The following PPP6R2 variants were observed in gnomAD, a reference collection of about 807,000 sequenced individuals.
PPP6R2 encodes protein phosphatase 6 regulatory subunit 2, also known as serine/threonine-protein phosphatase 6 regulatory subunit 2.
In PPP6R2, 62 loss-of-function variants were observed where a neutral mutation model predicts 100.2. The observed-to-expected ratio is 0.62, with a 90% CI of 0.50 to 0.76. PPP6R2 has a LOEUF of 0.76. PPP6R2 is among the 30% of genes least tolerant of loss of function. PPP6R2 has a pLI of 0.00. For synonymous variants in PPP6R2, 525 were observed against 514.7 expected (o/e 1.02, Z -0.27); for missense variants, 1,142 against 1,276.3 (o/e 0.89, Z 1.60).
chr22:50,406,248 C>A (rs2058931529), intron 3 of PPP6R2, among the ~76,000 whole-genome samples: 1 of 133,142 alleles, frequency 7.5e-6, no homozygotes, highest in Non-Finnish European at 1.6e-5. Context: ...AGGTGAGAGA[C>A]CTGGCAGGCG....
intron 1 of PPP6R2, among the ~76,000 whole-genome samples, chr22:50,370,451 C>G (rs1215265889): frequency 6.6e-6 from 1 of 151,308 alleles, no homozygotes; most frequent in Non-Finnish European, 1.5e-5. Flanking sequence ...CCACGCCCAG[C>G]TAATTTTTTG....
intron 10 of PPP6R2, among the ~76,000 whole-genome samples, chr22:50,424,740 C>A (rs1008716578): frequency 2.1e-5 from 3 of 145,958 alleles, no homozygotes; most frequent in Non-Finnish European, 4.5e-5. Flanking sequence ...CTGGTTCAAG[C>A]GATTTTCCTG....
upstream of PPP6R2, among the ~76,000 whole-genome samples, chr22:50,341,564 A>G (rs2042389284): frequency 6.6e-6 from 1 of 152,206 alleles, no homozygotes; most frequent in African/African-American, 2.4e-5. Flanking sequence ...AAGCTGACCT[A>G]CAGCAAGTAC....
At chr22:50,359,578 A>G (rs936571292) in intron 1 of PPP6R2, among the ~76,000 whole-genome samples, 2 of 152,102 alleles carry the variant, frequency 1.3e-5, no homozygotes, top group South Asian at 4.1e-4. Context: ...TTTTCTGTGT[A>G]TGTTGAGATG....
In PPP6R2 at chr22:50,377,340, A is replaced by G. The variant is rs918537576; in HGVS notation, c.-17+5190A>G. ...CGTGGTGGTGCACACCTGTAGTCCC[A>G]GCTACTTGGGAGGCTGAGGTGGGAA... On this transcript the variant is annotated intron_variant, in intron 2 of 23. Transcript: ENST00000612753. Among the ~76,000 whole-genome samples the G allele has an allele frequency of 3.3e-5, 5 of 152,132 alleles. No homozygotes were observed. In the South Asian group the frequency reaches 1.0e-3, roughly 31 times the overall value.
chr22:50,401,579 T>G (rs1188328826), intron 3 of PPP6R2, among the ~76,000 whole-genome samples: 2 of 150,924 alleles, frequency 1.3e-5, no homozygotes, highest in Non-Finnish European at 3.0e-5. Flanking sequence ...TGATGCGATC[T>G]TGGCTCACTG....
chr22:50,382,836 A>ATTTTT lies in PPP6R2; in HGVS notation c.-17+10701_-17+10705dup, dbSNP rs532410577. Among the ~76,000 whole-genome samples, 7 of 141,278 alleles carry ATTTTT rather than the reference A, an allele frequency of 5.0e-5. 2 individuals carry two copies. The highest frequency in any genetic ancestry group is 7.1e-5 in the Admixed American group (1 of 14,048). 92.7% of individuals were successfully genotyped at this position (141,278 alleles called of 152,430 possible). A position where few individuals can be genotyped will look rare whatever the true frequency, so the allele number is the denominator to read the frequency against. ...GGAAAAGGGTGAAATTTACAAGCAA[A>ATTTTT]TTTTTTTTTTTTTTTTTTTGAGATA... is the stretch of plus-strand genomic sequence containing the variant. On this transcript the variant is annotated intron_variant, in intron 2 of 23. Transcript: ENST00000612753.
chr22:50,437,043 TC>T lies in PPP6R2; in HGVS notation c.1661del (p.Pro554LeufsTer18). ...GAGGACGAGGACATTGAGGGTGCTT[TC>T]CCTAACGAGCTGTCCCTTCAGCAGG... is the stretch of plus-strand genomic sequence containing the variant. ...SSEDEDIEGA[F>X]PNELSLQQAF... On this transcript the variant is annotated frameshift_variant, in exon 15 of 24. Coordinates refer to ENST00000612753, the MANE Select transcript of PPP6R2 (RefSeq NM_001242898.2). LOFTEE classifies it high-confidence loss of function. 6.4e-7 allele frequency: 1 copy of T among 1,561,966 alleles called. No homozygotes were observed.
At position 50,422,342 on chromosome 22, in the gene PPP6R2, C is replaced by G; in HGVS notation, c.934C>G (p.Leu312Val). 6.2e-7 allele frequency: 1 copy of G among 1,614,102 alleles called. No homozygotes were observed. Residue 312 changes from leucine to valine, a missense_variant, in exon 9 of 24, where the codon CTG becomes GTG. By Grantham distance (32) the Leu-to-Val change is conservative. This residue lies in a region of PPP6R2 where 592 missense variants were observed against 758.9 expected (regional missense o/e 0.78). Coordinates refer to ENST00000612753, the MANE Select transcript of PPP6R2 (RefSeq NM_001242898.2). ...CGTACTACACGGCATCGAGCCTCGG[C>G]TGAAGGACTTCCACCAGCTCCTGCT... is the stretch of plus-strand genomic sequence containing the variant. Reference protein sequence around the residue: ...SSVLHGIEPRLKDFHQLLLNP... With the variant: ...SSVLHGIEPRVKDFHQLLLNP...
intron 1 of PPP6R2, among the ~76,000 whole-genome samples, chr22:50,349,034 A>G (rs2044380681): frequency 6.6e-6 from 1 of 151,536 alleles, no homozygotes; most frequent in African/African-American, 2.4e-5. Flanking sequence ...TCTACTGAAA[A>G]TACAAAAAAA....
intron 4 of PPP6R2, among the ~76,000 whole-genome samples, chr22:50,413,061 A>C (rs945513179): frequency 6.8e-6 from 1 of 147,790 alleles, no homozygotes; most frequent in Non-Finnish European, 1.5e-5. Flanking sequence ...CCCAGGTTCA[A>C]GCAATTCTGC....
the PPP6R2 span, among the ~76,000 whole-genome samples, chr22:50,333,049 G>A: frequency 6.6e-6 from 1 of 152,120 alleles, no homozygotes; most frequent in East Asian, 1.9e-4. Context: ...TGAAGCAGGA[G>A]GATCACCTAA....
At chr22:50,429,342 T>A (rs2062743131) in intron 10 of PPP6R2, among the ~76,000 whole-genome samples, 1 of 152,186 alleles carries the variant, frequency 6.6e-6, no homozygotes, top group Non-Finnish European at 1.5e-5. Flanking sequence ...TATGTGGAAT[T>A]TTATCAGATT....
intron 5 of PPP6R2, 107 bp downstream of exon 5, chr22:50,414,796 C>T: frequency 5.5e-6 from 7 of 1,282,910 alleles, no homozygotes; most frequent in Non-Finnish European, 7.4e-6. Flanking sequence ...CCCATCTCTC[C>T]ACCTAGCGTG....
intron 2 of PPP6R2, among the ~76,000 whole-genome samples, chr22:50,383,700 A>G (rs1367982123): frequency 6.6e-6 from 1 of 152,086 alleles, no homozygotes. Flanking sequence ...TCTTTCTGCC[A>G]CTGGGAAATG....
At position 50,434,541 on chromosome 22, in the gene PPP6R2, G is replaced by A. The variant is rs867714768; in HGVS notation, c.1401-425G>A. Among the ~76,000 whole-genome samples the A allele has an allele frequency of 9.0e-4, 42 of 46,866 alleles. 8 individuals are homozygous for A. The East Asian group carries it at 0.038, about 43-fold the overall frequency. 30.7% of individuals were successfully genotyped at this position (46,866 alleles called of 152,430 possible). On this transcript the variant is annotated intron_variant, in intron 12 of 23. Transcript: ENST00000612753. ...CTGGAGGAGGGCCGGGGGCGCGGAC[G>A]CTGGGCAGGGGCCGGGCATTTGCCC...
intron 2 of PPP6R2, among the ~76,000 whole-genome samples, chr22:50,387,880 C>T (rs141472167): frequency 5.6e-4 from 86 of 152,290 alleles, no homozygotes; most frequent in African/African-American, 1.8e-3. Flanking sequence ...TGTGGAATAA[C>T]TTAGTAATCC....
chr22:50,408,175 C>T (rs924747107), intron 4 of PPP6R2, among the ~76,000 whole-genome samples: 3 of 152,170 alleles, frequency 2.0e-5, no homozygotes, highest in Non-Finnish European at 4.4e-5. Flanking sequence ...GTGTGAGCCA[C>T]GATGCCCAGC....
intron 3 of PPP6R2, among the ~76,000 whole-genome samples, chr22:50,401,736 G>C (rs1209110245): frequency 1.3e-5 from 2 of 151,362 alleles, no homozygotes; most frequent in Non-Finnish European, 2.9e-5. Flanking sequence ...TTCGCCTCCT[G>C]GGTTCACGCC....
Sources: allele counts gnomAD v4.1 joint callset (sites outside exome capture counted in the v4.1 genomes callset), GRCh38; gene constraint gnomAD v4.1.1; regional missense constraint gnomAD v4.1.1; transcripts MANE v1.5; gene names NCBI Gene and HGNC (gene_info 2026-07-23, HGNC 2026-07-21).